CNTN5: variants seen among roughly 807,000 people sequenced by gnomAD.
CNTN5 encodes contactin 5.
In CNTN5, 77 loss-of-function variants were observed where a neutral mutation model predicts 129.1. The ratio of observed to expected loss-of-function variants is 0.60; its 90% CI spans 0.50 to 0.72. The LOEUF is 0.72. Ranked by LOEUF, CNTN5 falls within the 30% of genes least tolerant of loss-of-function variation. CNTN5 has a pLI of 0.00. For synonymous variants in CNTN5, 509 were observed against 465.6 expected, an observed-to-expected ratio of 1.09 and a Z score of -1.20; for missense variants, 1,478 against 1,328.8, an observed-to-expected ratio of 1.11 and a Z score of -1.75.
chr11:99,412,585 T>G (rs913269345), intron 2 of CNTN5, among the ~76,000 whole-genome samples: 4 of 152,198 alleles, frequency 2.6e-5, no homozygotes, highest in Admixed American at 2.0e-4. Flanking sequence ...TTGTTGATAT[T>G]TATTACACAT....
At chr11:99,397,916 A>G (rs1458264240) in intron 2 of CNTN5, among the ~76,000 whole-genome samples, 1 of 151,906 alleles carries the variant, frequency 6.6e-6, no homozygotes, top group Non-Finnish European at 1.5e-5. Flanking sequence ...TCAAGGGAAT[A>G]TATGAGTGTA....
chr11:100,136,492 A>G (rs184363741), intron 13 of CNTN5, among the ~76,000 whole-genome samples: 3 of 152,204 alleles, frequency 2.0e-5, no homozygotes, highest in African/African-American at 7.2e-5. Context: ...TGGAGGAAAA[A>G]ATGACCTATT....
At chr11:99,421,595 A>C (rs1942891477) in intron 2 of CNTN5, among the ~76,000 whole-genome samples, 1 of 152,192 alleles carries the variant, frequency 6.6e-6, no homozygotes. Context: ...GACAATCTTG[A>C]TGTTTGAAAA....
intron 13 of CNTN5, among the ~76,000 whole-genome samples, chr11:100,162,214 G>A (rs1010352342): frequency 8.6e-5 from 13 of 151,734 alleles, no homozygotes; most frequent in African/African-American, 1.9e-4. Context: ...TGAACTAACC[G>A]CGATAAAGAA....
intron 3 of CNTN5, among the ~76,000 whole-genome samples, chr11:99,795,771 G>C (rs1285742291): frequency 6.6e-6 from 1 of 152,048 alleles, no homozygotes; most frequent in African/African-American, 2.4e-5. Flanking sequence ...ACTCGGCTCA[G>C]GACTCCTGGG....
intron 3 of CNTN5, among the ~76,000 whole-genome samples, chr11:99,612,525 A>G (rs192347584): frequency 3.9e-5 from 6 of 152,336 alleles, no homozygotes; most frequent in African/African-American, 9.6e-5. Context: ...ATTATAGTAC[A>G]GTAATTAAAC....
Position 99,221,694 on chromosome 11 carries a change from A to G in CNTN5, c.-209-103652A>G, listed in dbSNP as rs541939705. ...TAAGTTGAAAAACAAAATAATAATA[A>G]TTACCTATAATGATCTCCAAATACT... On this transcript the variant is annotated intron_variant, in intron 1 of 24. Transcript: ENST00000524871. Among the ~76,000 whole-genome samples, 2 of 152,042 alleles carry G rather than the reference A, an allele frequency of 1.3e-5. 1 individual carries two copies. Among genetic ancestry groups the G allele is most frequent in the East Asian group, 3.9e-4 (2 of 5,186 alleles).
At chr11:100,306,567 G>A (rs940362854) in intron 20 of CNTN5, among the ~76,000 whole-genome samples, 1 of 151,688 alleles carries the variant, frequency 6.6e-6, no homozygotes, top group Non-Finnish European at 1.5e-5. Context: ...GATATTCAAA[G>A]TGTGGTTTCC....
chr11:99,291,936 A>T (rs1462406643), intron 1 of CNTN5, among the ~76,000 whole-genome samples: 4 of 152,076 alleles, frequency 2.6e-5, no homozygotes, highest in African/African-American at 9.7e-5. Context: ...TCATGCTGTG[A>T]TTTTGCAAAC....
chr11:99,425,186 G>A (rs1480039252), intron 2 of CNTN5, among the ~76,000 whole-genome samples: 1 of 152,158 alleles, frequency 6.6e-6, no homozygotes, highest in African/African-American at 2.4e-5. Flanking sequence ...ATTGGTCCAT[G>A]GGTGGCCATA....
intron 2 of CNTN5, among the ~76,000 whole-genome samples, chr11:99,444,999 C>T (rs1944001661): frequency 6.7e-6 from 1 of 149,100 alleles, no homozygotes; most frequent in Non-Finnish European, 1.5e-5. Context: ...TGGTTTTCCA[C>T]CTTATGGGAT....
At chr11:99,809,955 C>G (rs1340579556) in intron 3 of CNTN5, among the ~76,000 whole-genome samples, 2 of 152,056 alleles carry the variant, frequency 1.3e-5, no homozygotes, top group Non-Finnish European at 2.9e-5. Flanking sequence ...GGTTATATTT[C>G]TCAACTAGCT....
intron 2 of CNTN5, among the ~76,000 whole-genome samples, chr11:99,450,765 C>T (rs1298855371): frequency 9.0e-6 from 1 of 110,664 alleles, no homozygotes; most frequent in Non-Finnish European, 1.9e-5. Context: ...TGCATTGAAG[C>T]AAGTTTTTTT....
chr11:99,950,993 A>G (rs1329221873), intron 7 of CNTN5, among the ~76,000 whole-genome samples: 1 of 152,200 alleles, frequency 6.6e-6, no homozygotes, highest in Non-Finnish European at 1.5e-5. Flanking sequence ...GATTAAAATA[A>G]TAATAACTAT....
intron 2 of CNTN5, among the ~76,000 whole-genome samples, chr11:99,508,467 C>T (rs1946707688): frequency 1.3e-5 from 2 of 152,112 alleles, no homozygotes; most frequent in Admixed American, 1.3e-4. Flanking sequence ...GATGCAGAGC[C>T]ACACATACTG....
At chr11:99,978,763 G>A (rs1938155991) in intron 8 of CNTN5, among the ~76,000 whole-genome samples, 1 of 152,150 alleles carries the variant, frequency 6.6e-6, no homozygotes, top group African/African-American at 2.4e-5. Context: ...ATCACTAAGT[G>A]ACGCATGACT....
chr11:99,142,395 A>G (rs1361253267), intron 1 of CNTN5, among the ~76,000 whole-genome samples: 1 of 151,930 alleles, frequency 6.6e-6, no homozygotes, highest in Admixed American at 6.5e-5. Flanking sequence ...AGCAGGGGGA[A>G]TCTGCAGGCA....
In CNTN5 at chr11:100,357,623, T is replaced by C. The variant is rs1392783566; in HGVS notation, c.*1403T>C. 6.6e-6 allele frequency: 1 copy of C among 151,714 alleles called. No individual in the cohort carries two copies. Among genetic ancestry groups the C allele is most frequent in the Admixed American group, 6.6e-5 (1 of 15,192 alleles). The allele number at this position is 151,714 out of a possible 1,614,324, so 9.4% of individuals were successfully genotyped here. A position where few individuals can be genotyped will look rare whatever the true frequency, so the allele number is the denominator to read the frequency against. ...GCCAGAGAAGAGCCTGGAGAAACTA[T>C]GGTTTTATAGGCGATGTTAACAAGA... On this transcript the variant is annotated 3_prime_UTR_variant, in exon 25 of 25. Coordinates refer to ENST00000524871, the MANE Select transcript of CNTN5 (RefSeq NM_014361.4).
At chr11:99,467,767 G>T in intron 2 of CNTN5, among the ~76,000 whole-genome samples, 1 of 151,996 alleles carries the variant, frequency 6.6e-6, no homozygotes, top group East Asian at 1.9e-4. Context: ...ATATTTAAAT[G>T]TTGCTGTTTC....
Sources: gnomAD v4.1 joint callset for allele counts (sites outside exome capture counted in the v4.1 genomes callset) on GRCh38, gnomAD v4.1.1 for gene constraint, MANE v1.5 for transcripts, NCBI Gene and HGNC (gene_info 2026-07-23, HGNC 2026-07-21) for gene names.